Variants in RAPGEF5 observed in about 807,000 individuals in gnomAD.
RAPGEF5 encodes M-Ras-regulated GEF.
In RAPGEF5, 65 loss-of-function variants were observed where a neutral mutation model predicts 125.2. The ratio of observed to expected loss-of-function variants is 0.52; its 90% CI spans 0.43 to 0.64. RAPGEF5 has a LOEUF of 0.64. Among genes scored for constraint, RAPGEF5 ranks in the 30% least tolerant of loss-of-function variants. The pLI, the probability that RAPGEF5 is intolerant of heterozygous loss-of-function variation, is 0.00. For synonymous variants in RAPGEF5, 391 were observed against 385.9 expected, an observed-to-expected ratio of 1.01 and a Z score of -0.16; for missense variants, 958 against 1,048.1, an observed-to-expected ratio of 0.91 and a Z score of 1.19.
intron 16 of RAPGEF5, among the ~76,000 whole-genome samples, chr7:22,155,761 T>C (rs1310833872): frequency 4.6e-5 from 7 of 152,166 alleles, no homozygotes; most frequent in African/African-American, 7.2e-5. Flanking sequence ...CCTCCTTCCA[T>C]AGAAAGATGG....
chr7:22,221,835 A>C (rs1303569928), intron 8 of RAPGEF5, among the ~76,000 whole-genome samples: 1 of 152,188 alleles, frequency 6.6e-6, no homozygotes, highest in Admixed American at 6.5e-5. Flanking sequence ...GAGCAGACTA[A>C]TACAATATCC....
intron 7 of RAPGEF5, among the ~76,000 whole-genome samples, chr7:22,236,485 A>T (rs571898643): frequency 6.6e-6 from 1 of 152,308 alleles, no homozygotes; most frequent in South Asian, 2.1e-4. Flanking sequence ...TGAAATCACA[A>T]GCATCTTCCT....
chr7:22,214,277 G>T (rs1208668277), intron 9 of RAPGEF5, among the ~76,000 whole-genome samples: 1 of 152,186 alleles, frequency 6.6e-6, no homozygotes, highest in Non-Finnish European at 1.5e-5. Context: ...GGGGAAGGAA[G>T]TAGGGTGGGT....
chr7:22,159,774 T>A (rs372480478), intron 14 of RAPGEF5, among the ~76,000 whole-genome samples: 3 of 152,014 alleles, frequency 2.0e-5, no homozygotes, highest in African/African-American at 7.3e-5. Flanking sequence ...CTTTCTAAAT[T>A]GATAAAGAAA....
At chr7:22,266,884 C>G (rs1782295183) in intron 7 of RAPGEF5, 80 bp downstream of exon 7, 1 of 1,401,722 alleles carries the variant, frequency 7.1e-7, no homozygotes, top group African/African-American at 1.4e-5. Flanking sequence ...GAGATACACT[C>G]AACTGCACAC....
chr7:22,319,291 T>A (rs1783666336), intron 1 of RAPGEF5, among the ~76,000 whole-genome samples: 2 of 152,186 alleles, frequency 1.3e-5, no homozygotes, highest in South Asian at 2.1e-4. Flanking sequence ...TGAGAAAAAT[T>A]TGCTAAATGT....
chr7:22,150,043 A>G (rs570842754), intron 18 of RAPGEF5, among the ~76,000 whole-genome samples: 29 of 150,296 alleles, frequency 1.9e-4, no homozygotes, highest in Middle Eastern at 3.5e-3. Context: ...ATAAACACAT[A>G]AAACCTATGC....
chr7:22,174,532 TC>T (rs1315374443), intron 11 of RAPGEF5, among the ~76,000 whole-genome samples: 1 of 152,238 alleles, frequency 6.6e-6, no homozygotes, highest in Non-Finnish European at 1.5e-5. Flanking sequence ...CTTCACTCAC[TC>T]ACTTTTACTG....
intron 7 of RAPGEF5, among the ~76,000 whole-genome samples, chr7:22,263,614 C>A (rs1782211007): frequency 6.6e-6 from 1 of 151,788 alleles, no homozygotes; most frequent in Admixed American, 6.6e-5. Context: ...CCTGTATTCC[C>A]AGCTACTAGG....
At chr7:22,216,054 G>T (rs1322812424) in intron 9 of RAPGEF5, among the ~76,000 whole-genome samples, 1 of 152,310 alleles carries the variant, frequency 6.6e-6, no homozygotes, top group East Asian at 1.9e-4. Flanking sequence ...CCCATTGCTA[G>T]TCACTGAATT....
intron 9 of RAPGEF5, among the ~76,000 whole-genome samples, chr7:22,215,825 T>C (rs1044193420): frequency 6.6e-6 from 1 of 152,156 alleles, no homozygotes; most frequent in African/African-American, 2.4e-5. Context: ...GAAAAGTTTG[T>C]GTAGTCCCCA....
chr7:22,217,278 T>C (rs1405367295), intron 9 of RAPGEF5, among the ~76,000 whole-genome samples: 10 of 152,206 alleles, frequency 6.6e-5, no homozygotes, highest in Admixed American at 6.5e-4. Flanking sequence ...AGACCTAGGT[T>C]TACGTTAAGT....
At chr7:22,140,785 C>T (rs774187395) in intron 20 of RAPGEF5, among the ~76,000 whole-genome samples, 2 of 152,154 alleles carry the variant, frequency 1.3e-5, no homozygotes, top group African/African-American at 2.4e-5. Context: ...ATTTCCAAAG[C>T]CAGCTAAGAG....
At chr7:22,305,094 A>G (rs116136741) in intron 5 of RAPGEF5, among the ~76,000 whole-genome samples, 4,203 of 152,338 alleles carry the variant, frequency 0.028, 204 homozygotes, top group African/African-American at 0.096. Flanking sequence ...CAGTCATTAA[A>G]GCCAGACACA....
chr7:22,126,150 AAAAC>A (rs768260294), intron 24 of RAPGEF5, among the ~76,000 whole-genome samples: 4 of 152,286 alleles, frequency 2.6e-5, no homozygotes, highest in East Asian at 3.9e-4. Context: ...CTCCGTCTCA[AAAAC>A]AAACAAACAA....
rs769659545 is a variant in RAPGEF5 at position 22,230,922 on chromosome 7, TA to T, written c.797-4del. Reference sequence around the variant, plus strand: ...GTTTTCTTCATCTTGTTCAATTGCTTAAAAAAAAGAACACCATTAAACAAAT... The same window carrying T: ...GTTTTCTTCATCTTGTTCAATTGCTTAAAAAAAGAACACCATTAAACAAAT... On this transcript the variant is annotated splice_polypyrimidine_tract_variant and splice_region_variant and intron_variant, in intron 7 of 25. Transcript: ENST00000665637. The T allele has an allele frequency of 9.0e-6, 14 of 1,554,652 alleles. No homozygotes were observed. Among genetic ancestry groups the T allele is most frequent in the South Asian group, 4.7e-5 (4 of 84,378 alleles).
rs768606959 is a variant in RAPGEF5, at chr7:22,193,979, C to G, written c.1051G>C (p.Val351Leu). 1 of 1,613,904 alleles carries G rather than the reference C, an allele frequency of 6.2e-7. No homozygotes were observed. Among genetic ancestry groups the G allele is most frequent in the South Asian group, 1.1e-5 (1 of 91,066 alleles). Residue 351 changes from valine (V) to leucine (L), a missense_variant, in exon 10 of 26, where the codon GTG (valine) becomes CTG (leucine). Transcript: ENST00000665637. ...QVKEQDQSVL[V>L]LKKVQCCGPA... ...CCACAGCACTGCACTTTCTTCAGCA[C>G]CAGGACGCTCTGGTCTTGCTCTTTA...
At chr7:22,193,749 T>A (rs1785075323) in intron 10 of RAPGEF5, 166 bp downstream of exon 10, 1 of 1,564,424 alleles carries the variant, frequency 6.4e-7, no homozygotes, top group Non-Finnish European at 8.7e-7. Flanking sequence ...TCCATCTGGC[T>A]GCTAAGAGCT....
In RAPGEF5 at chr7:22,167,116, T is replaced by C; in HGVS notation, c.1237A>G (p.Thr413Ala). ...TLLDDFLLTY[T>A]VFMTTDDLCQ... ...AAGTCATCAGTTGTCATGAAGACAGTGTACGTGAGAAGGAAGTCATCCAGG... is the reference window on the plus strand; with the variant it reads ...AAGTCATCAGTTGTCATGAAGACAGCGTACGTGAGAAGGAAGTCATCCAGG... Residue 413 changes from threonine to alanine, a missense_variant, in exon 12 of 26, where the codon ACT becomes GCT. Physicochemically the swap from Thr to Ala is moderately conservative, Grantham distance 58 (BLOSUM62 0). Coordinates refer to ENST00000665637, the MANE Select transcript of RAPGEF5 (RefSeq NM_012294.5). 1 of 1,612,712 alleles carries C rather than the reference T, an allele frequency of 6.2e-7. No individual in the cohort carries two copies. Among genetic ancestry groups the C allele is most frequent in the Non-Finnish European group, 8.5e-7 (1 of 1,179,472 alleles).
Sources: allele counts gnomAD v4.1 joint callset (sites outside exome capture counted in the v4.1 genomes callset), GRCh38; gene constraint gnomAD v4.1.1; transcripts MANE v1.5; gene names NCBI Gene and HGNC (gene_info 2026-07-23, HGNC 2026-07-21).